CACNG4: variants seen among roughly 807,000 people sequenced by gnomAD.
CACNG4 encodes the protein voltage-dependent calcium channel gamma-4 subunit.
In CACNG4, 8 loss-of-function variants were observed where a neutral mutation model predicts 22.9. The observed-to-expected ratio is 0.35, with a 90% CI of 0.21 to 0.63. The LOEUF (loss-of-function observed/expected upper bound fraction) is 0.63, where lower values mean the gene tolerates loss of function less well. CACNG4 is among the 30% of genes least tolerant of loss of function. The pLI, the probability that CACNG4 is intolerant of heterozygous loss-of-function variation, is 0.72. For synonymous variants in CACNG4, 188 were observed against 191.9 expected (o/e 0.98, Z 0.17); for missense variants, 357 against 455.4 (o/e 0.78, Z 1.97).
At chr17:67,002,300 C>T (rs2035413043) in intron 1 of CACNG4, among the ~76,000 whole-genome samples, 4 of 152,172 alleles carry the variant, frequency 2.6e-5, no homozygotes, top group South Asian at 2.1e-4. Context: ...GGGAAAGACC[C>T]GCCCCCATGA....
chr17:67,002,144 G>A (rs2035412033), intron 1 of CACNG4, among the ~76,000 whole-genome samples: 4 of 152,198 alleles, frequency 2.6e-5, no homozygotes, highest in Admixed American at 2.6e-4. Context: ...CCACGTGGCT[G>A]GAGAGGCCTC....
At chr17:67,011,611 A>G (rs1308602087) in intron 1 of CACNG4, among the ~76,000 whole-genome samples, 1 of 151,660 alleles carries the variant, frequency 6.6e-6, no homozygotes, top group Non-Finnish European at 1.5e-5. Flanking sequence ...TGGGCTCTGT[A>G]AAATGCTCTT....
intron 1 of CACNG4, among the ~76,000 whole-genome samples, chr17:66,994,910 C>T (rs2035364918): frequency 6.6e-6 from 1 of 152,102 alleles, no homozygotes; most frequent in African/African-American, 2.4e-5. Flanking sequence ...AGGACTGGAG[C>T]CATTCGCCCC....
intron 1 of CACNG4, among the ~76,000 whole-genome samples, chr17:66,976,729 C>A (rs1234791019): frequency 6.6e-6 from 1 of 152,124 alleles, no homozygotes; most frequent in African/African-American, 2.4e-5. Context: ...AGCACAGCGG[C>A]CGTGCTCCCA....
intron 1 of CACNG4, among the ~76,000 whole-genome samples, chr17:67,007,036 A>G (rs561432920): frequency 6.6e-6 from 1 of 152,288 alleles, no homozygotes; most frequent in Admixed American, 6.5e-5. Context: ...TTAGCCAGGC[A>G]TGGTGGCCGG....
At chr17:66,991,141 C>T (rs1338464760) in intron 1 of CACNG4, among the ~76,000 whole-genome samples, 1 of 152,086 alleles carries the variant, frequency 6.6e-6, no homozygotes, top group Admixed American at 6.5e-5. Flanking sequence ...CAGAGGAAAA[C>T]ACAGGTGGGT....
chr17:66,974,304 T>C lies in CACNG4; in HGVS notation c.220+9173T>C, dbSNP rs542689473. 2.0e-5 allele frequency among the ~76,000 whole-genome samples: 3 copies of C among 152,216 alleles called. No homozygotes were observed. The East Asian group carries it at 5.8e-4, about 29-fold the overall frequency. On this transcript the variant is annotated intron_variant, in intron 1 of 3. Transcript: ENST00000262138. ...GGGGGCATACAATAAAAGGGGAATA[T>C]TTCATAATAGAAGCCCAGCTCTTCC...
intron 1 of CACNG4, among the ~76,000 whole-genome samples, chr17:67,014,956 A>AAAAG (rs1555579547): frequency 2.1e-4 from 32 of 150,488 alleles, no homozygotes; most frequent in African/African-American, 6.2e-4. Context: ...AAAAAAAAAA[A>AAAAG]AAAGAAAGAA....
intron 1 of CACNG4, among the ~76,000 whole-genome samples, chr17:66,985,682 T>G (rs2035301420): frequency 6.6e-6 from 1 of 152,168 alleles, no homozygotes; most frequent in Non-Finnish European, 1.5e-5. Flanking sequence ...CAGCAGACAT[T>G]TTATGGAGCA....
intron 1 of CACNG4, among the ~76,000 whole-genome samples, chr17:66,985,519 G>A (rs1017323519): frequency 2.6e-5 from 4 of 152,176 alleles, no homozygotes; most frequent in African/African-American, 9.7e-5. Flanking sequence ...GCCTCTATCA[G>A]CCTGGGAAAG....
chr17:66,968,984 A>G (rs910611079), intron 1 of CACNG4, among the ~76,000 whole-genome samples: 4 of 151,726 alleles, frequency 2.6e-5, no homozygotes, highest in Admixed American at 6.6e-5. Flanking sequence ...CATTCTTTGT[A>G]TCTTTGGTGA....
intron 1 of CACNG4, among the ~76,000 whole-genome samples, chr17:67,010,122 T>C (rs1241987837): frequency 6.6e-6 from 1 of 152,106 alleles, no homozygotes; most frequent in Non-Finnish European, 1.5e-5. Flanking sequence ...TCTGCACACA[T>C]CAGCCCTTCT....
Position 66,984,143 on chromosome 17 carries a change from C to T in CACNG4, c.220+19012C>T, listed in dbSNP as rs558670673. On this transcript the variant is annotated intron_variant, in intron 1 of 3. Transcript: ENST00000262138. The surrounding 1 kb of genome is among the most constrained non-coding windows in gnomAD (Gnocchi z 4.0). Reference sequence around the variant, plus strand: ...CCTGTAATCCTAGCACTTTGGGAAGCCAAGGCAGGAGGATCACTAGAGGCC... The same window carrying T: ...CCTGTAATCCTAGCACTTTGGGAAGTCAAGGCAGGAGGATCACTAGAGGCC... Among the ~76,000 whole-genome samples, 1 of 152,162 alleles carries T rather than the reference C, an allele frequency of 6.6e-6. No individual in the cohort carries two copies. Among genetic ancestry groups the T allele is most frequent in the Non-Finnish European group, 1.5e-5 (1 of 68,042 alleles).
chr17:66,990,843 G>T (rs2035335907), intron 1 of CACNG4, among the ~76,000 whole-genome samples: 1 of 151,902 alleles, frequency 6.6e-6, no homozygotes, highest in Non-Finnish European at 1.5e-5. Flanking sequence ...ACCATGCCCG[G>T]CTAATTTTTT....
chr17:66,979,669 A>C (rs2035259286), intron 1 of CACNG4, among the ~76,000 whole-genome samples: 1 of 151,816 alleles, frequency 6.6e-6, no homozygotes. Context: ...GATGAAAAGC[A>C]TCCCAAGCCC....
At chr17:66,985,972 GAA>G (rs754945337) in intron 1 of CACNG4, among the ~76,000 whole-genome samples, 2,217 of 152,190 alleles carry the variant, frequency 0.015, 30 homozygotes, top group Middle Eastern at 0.052. Flanking sequence ...AGAAGAAGAA[GAA>G]GGTTCCAGAC....
chr17:66,975,016 C>T (rs778453605), intron 1 of CACNG4, among the ~76,000 whole-genome samples: 5 of 151,250 alleles, frequency 3.3e-5, no homozygotes, highest in Non-Finnish European at 5.9e-5. Flanking sequence ...AAGCTCTCCA[C>T]GTCACCACAT....
intron 1 of CACNG4, among the ~76,000 whole-genome samples, chr17:66,968,026 A>G (rs766628557): frequency 5.3e-5 from 8 of 152,186 alleles, no homozygotes; most frequent in Non-Finnish European, 1.2e-4. Context: ...TCAAGTGTGC[A>G]GAGCCTTGTG....
Position 66,966,010 on chromosome 17 carries a change from T to G in CACNG4, c.220+879T>G, listed in dbSNP as rs1399159649. Among the ~76,000 whole-genome samples the G allele has an allele frequency of 2.0e-5, 3 of 152,160 alleles. No homozygotes were observed. The East Asian group carries it at 5.8e-4, about 30-fold the overall frequency. On this transcript the variant is annotated intron_variant, in intron 1 of 3. Coordinates refer to ENST00000262138, the MANE Select transcript of CACNG4 (RefSeq NM_014405.4). The stretch of plus-strand genomic sequence containing the variant: ...GACTGGGAGGGGCGTGGTCATCTCG[T>G]CGGAGCTGGGCGCTGCGACCCCCAA...
Sources: gnomAD v4.1 joint callset for allele counts (sites outside exome capture counted in the v4.1 genomes callset) on GRCh38, gnomAD v4.1.1 for gene constraint, Gnocchi (gnomAD v3.1) non-coding constraint, MANE v1.5 for transcripts, NCBI Gene and HGNC (gene_info 2026-07-23, HGNC 2026-07-21) for gene names.